The following SORCS2 variants were observed in gnomAD, a reference collection of about 807,000 sequenced individuals.
SORCS2 encodes the protein VPS10 domain-containing receptor SorCS2.
In SORCS2, 100 loss-of-function variants were observed where a neutral mutation model predicts 141.6. That is an observed-to-expected ratio of 0.71 (90% confidence interval 0.60 to 0.83). SORCS2 has a LOEUF of 0.83. Among genes scored for constraint, SORCS2 ranks in the 40% least tolerant of loss-of-function variants. The pLI is 0.00. For missense variants in SORCS2, 1,646 were observed against 1,560.2 expected, an observed-to-expected ratio of 1.05 and a Z score of -0.93; for synonymous variants, 789 against 676.9, an observed-to-expected ratio of 1.17 and a Z score of -2.57.
At chr4:7,708,792 C>T (rs1191751763) in intron 14 of SORCS2, among the ~76,000 whole-genome samples, 2 of 152,202 alleles carry the variant, frequency 1.3e-5, no homozygotes, top group African/African-American at 4.8e-5. Flanking sequence ...GAGGTGCCAA[C>T]ACGTCTCAAA....
At chr4:7,575,553 C>T (rs1715694172) in intron 3 of SORCS2, among the ~76,000 whole-genome samples, 1 of 152,192 alleles carries the variant, frequency 6.6e-6, no homozygotes, top group Non-Finnish European at 1.5e-5. Flanking sequence ...CACATACGCA[C>T]ATTGTTCCAA....
chr4:7,631,683 C>T (rs751024514), intron 3 of SORCS2, among the ~76,000 whole-genome samples: 2 of 152,124 alleles, frequency 1.3e-5, no homozygotes, highest in African/African-American at 2.4e-5. Context: ...AGCTCCTATC[C>T]CGGGGGGTCC....
intron 1 of SORCS2, among the ~76,000 whole-genome samples, chr4:7,342,114 G>A (rs1720402152): frequency 1.3e-5 from 2 of 152,162 alleles, no homozygotes; most frequent in African/African-American, 4.8e-5. Flanking sequence ...ATGAACAATT[G>A]TGTTGTCCAT....
At chr4:7,572,359 AT>A (rs1239609241) in intron 3 of SORCS2, among the ~76,000 whole-genome samples, 6 of 152,116 alleles carry the variant, frequency 3.9e-5, no homozygotes, top group East Asian at 3.8e-4. Flanking sequence ...CAGTTTACAC[AT>A]TTTTTTAAAT....
At chr4:7,519,592 G>A (rs1308729589) in intron 2 of SORCS2, among the ~76,000 whole-genome samples, 2 of 152,174 alleles carry the variant, frequency 1.3e-5, no homozygotes, top group East Asian at 3.9e-4. Flanking sequence ...TCACCTTCCA[G>A]CGCTGCTGCC....
At chr4:7,223,975 T>C (rs889472353) in intron 1 of SORCS2, among the ~76,000 whole-genome samples, 1 of 152,244 alleles carries the variant, frequency 6.6e-6, no homozygotes, top group Admixed American at 6.5e-5. Flanking sequence ...AGGAACTCAA[T>C]GGCTGTTGCA....
At chr4:7,570,172 C>T (rs534033663) in intron 3 of SORCS2, among the ~76,000 whole-genome samples, 23 of 152,246 alleles carry the variant, frequency 1.5e-4, no homozygotes, top group African/African-American at 4.3e-4. Flanking sequence ...TCAGTGGCTG[C>T]GGAGGGGAGG....
chr4:7,410,995 C>A (rs10023034), intron 2 of SORCS2, among the ~76,000 whole-genome samples: 2,351 of 117,406 alleles, frequency 0.02, 72 homozygotes, highest in African/African-American at 0.071. Flanking sequence ...CTGAATCTGT[C>A]GCCAGGCCAG....
intron 1 of SORCS2, among the ~76,000 whole-genome samples, chr4:7,381,301 A>G (rs956183480): frequency 6.6e-6 from 1 of 152,190 alleles, no homozygotes; most frequent in African/African-American, 2.4e-5. Flanking sequence ...GCATTCCAGC[A>G]CAGGGCTGCC....
chr4:7,342,937 A>T (rs1352410595), intron 1 of SORCS2, among the ~76,000 whole-genome samples: 1 of 152,178 alleles, frequency 6.6e-6, no homozygotes, highest in African/African-American at 2.4e-5. Flanking sequence ...GTGCTGGCCA[A>T]GGTCTCTGTC....
intron 1 of SORCS2, among the ~76,000 whole-genome samples, chr4:7,390,155 C>T (rs1405823039): frequency 3.3e-5 from 5 of 152,180 alleles, no homozygotes; most frequent in Non-Finnish European, 7.3e-5. Context: ...CTTAAGTTCT[C>T]CCTTTTTCAA....
At chr4:7,639,854 GGT>G (rs888730914) in intron 4 of SORCS2, among the ~76,000 whole-genome samples, 8 of 146,478 alleles carry the variant, frequency 5.5e-5, no homozygotes, top group African/African-American at 1.5e-4. Flanking sequence ...TGGGTGTGAG[GGT>G]GTGTGTGATT....
chr4:7,402,352 C>T (rs1577504913), intron 2 of SORCS2, among the ~76,000 whole-genome samples: 1 of 152,196 alleles, frequency 6.6e-6, no homozygotes, highest in Non-Finnish European at 1.5e-5. Flanking sequence ...ACAATATACA[C>T]ATCATAATGT....
intron 17 of SORCS2, among the ~76,000 whole-genome samples, chr4:7,717,405 C>T (rs367696215): frequency 2.0e-5 from 3 of 152,380 alleles, no homozygotes; most frequent in African/African-American, 7.2e-5. Context: ...GTCTGCTCTG[C>T]ACAGCATCTA....
chr4:7,682,962 T>G, intron 10 of SORCS2, 73 bp downstream of exon 10: 1 of 1,534,312 alleles, frequency 6.5e-7, no homozygotes. Context: ...ATCAAGAAGG[T>G]CAGAGGTGGT....
intron 2 of SORCS2, among the ~76,000 whole-genome samples, chr4:7,481,521 G>A (rs1199897636): frequency 6.6e-6 from 1 of 152,228 alleles, no homozygotes; most frequent in Non-Finnish European, 1.5e-5. Context: ...CAAGGGCTCT[G>A]GAGAGTTTGG....
chr4:7,558,234 C>T (rs1264593968), intron 3 of SORCS2, among the ~76,000 whole-genome samples: 5 of 152,208 alleles, frequency 3.3e-5, no homozygotes, highest in African/African-American at 1.2e-4. Context: ...AGACCAGGCT[C>T]TCTTGACTTT....
chr4:7,565,621 G>T (rs993233191), intron 3 of SORCS2, among the ~76,000 whole-genome samples: 1 of 149,984 alleles, frequency 6.7e-6, no homozygotes, highest in Non-Finnish European at 1.5e-5. Flanking sequence ...ATATAATGAT[G>T]ATAATGATGG....
chr4:7,370,947 C>G (rs1722210499), intron 1 of SORCS2, among the ~76,000 whole-genome samples: 1 of 152,202 alleles, frequency 6.6e-6, no homozygotes, highest in South Asian at 2.1e-4. Context: ...GTCCCCCTGT[C>G]TAGGAGCCTG....
Sources: allele counts gnomAD v4.1 joint callset (sites outside exome capture counted in the v4.1 genomes callset), GRCh38; gene constraint gnomAD v4.1.1; transcripts MANE v1.5; gene names NCBI Gene and HGNC (gene_info 2026-07-23, HGNC 2026-07-21).